The following LNX2 variants were observed in gnomAD, a reference collection of about 807,000 sequenced individuals.
LNX2 encodes the protein ligand of Numb protein X 2.
In LNX2, 35 loss-of-function variants were observed where a neutral mutation model predicts 66.2. That is an observed-to-expected ratio of 0.53 (90% CI 0.40 to 0.70). The LOEUF (loss-of-function observed/expected upper bound fraction) is 0.70, where lower values mean the gene tolerates loss of function less well. LNX2 is among the 30% of genes least tolerant of loss of function. The probability of loss-of-function intolerance (pLI) is 0.00; values close to 1 mark genes in which losing one functional copy is unlikely to be tolerated. For synonymous variants in LNX2, 337 were observed against 315.6 expected, an observed-to-expected ratio of 1.07 and a Z score of -0.72; for missense variants, 791 against 850.8, an observed-to-expected ratio of 0.93 and a Z score of 0.87.
chr13:27,585,858 T>A (rs1230243544), intron 1 of LNX2, among the ~76,000 whole-genome samples: 5 of 152,064 alleles, frequency 3.3e-5, no homozygotes, highest in Admixed American at 6.5e-5. Flanking sequence ...ATATTTTAGC[T>A]ACTTTCTAAA....
chr13:27,590,171 T>A (rs904071278), intron 1 of LNX2, among the ~76,000 whole-genome samples: 6 of 152,228 alleles, frequency 3.9e-5, no homozygotes, highest in African/African-American at 1.4e-4. Flanking sequence ...AGGTTTCACA[T>A]GTTAGCCAAA....
intron 2 of LNX2, among the ~76,000 whole-genome samples, chr13:27,572,610 C>G (rs1393714842): frequency 6.6e-6 from 1 of 152,204 alleles, no homozygotes; most frequent in African/African-American, 2.4e-5. Flanking sequence ...GGTTGTTCTT[C>G]TATTCCCACT....
rs570985119 is a variant in LNX2, at chr13:27,553,509, T to G, written c.1547-70A>C. 8.4e-5 allele frequency: 100 copies of G among 1,188,974 alleles called. No individual in the cohort carries two copies. In the South Asian group the frequency reaches 1.2e-3, roughly 15 times the overall value. The allele number at this position is 1,188,974 out of a possible 1,614,324, so 73.7% of individuals were successfully genotyped here. A position where few individuals can be genotyped will look rare whatever the true frequency, so the allele number is the denominator to read the frequency against. Reference sequence around the variant, plus strand: ...TTTCACCTGCAAATCTTGTTGTTTATAAACTAAGCAACAAAAGTTAGTTCC... The same window carrying G: ...TTTCACCTGCAAATCTTGTTGTTTAGAAACTAAGCAACAAAAGTTAGTTCC... On this transcript the variant is annotated intron_variant, in intron 7 of 9. Coordinates refer to ENST00000316334, the MANE Select transcript of LNX2 (RefSeq NM_153371.4).
At chr13:27,583,251 T>A (rs138393224) in intron 1 of LNX2, among the ~76,000 whole-genome samples, 2 of 46,622 alleles carry the variant, frequency 4.3e-5, no homozygotes, top group African/African-American at 1.4e-4. Context: ...TGTGTGTGTG[T>A]GTGTGCGCGC....
chr13:27,578,780 T>C lies in LNX2; in HGVS notation c.407+2517A>G, dbSNP rs925410502. Among the ~76,000 whole-genome samples the C allele has an allele frequency of 2.6e-5, 4 of 152,210 alleles. No homozygotes were observed. In the East Asian group the frequency reaches 7.7e-4, roughly 29 times the overall value. ...AAGAAACCATCTTGGAAGTAGACTCTCCAGTTACAACTGTTGCAGTCCCTG... is the reference window on the plus strand; with the variant it reads ...AAGAAACCATCTTGGAAGTAGACTCCCCAGTTACAACTGTTGCAGTCCCTG... On this transcript the variant is annotated intron_variant, in intron 2 of 9. Transcript: ENST00000316334.
chr13:27,587,184 G>A (rs1321554710), intron 1 of LNX2, among the ~76,000 whole-genome samples: 3 of 151,958 alleles, frequency 2.0e-5, no homozygotes, highest in South Asian at 2.1e-4. Context: ...TTAACTCATC[G>A]GTACCAGGGG....
At chr13:27,552,027 AGCCTTTT>A in intron 8 of LNX2, among the ~76,000 whole-genome samples, 1 of 152,366 alleles carries the variant, frequency 6.6e-6, no homozygotes, top group East Asian at 1.9e-4. Flanking sequence ...ATTGAATAGT[AGCCTTTT>A]ATCGACAGGT....
rs768286762 is a variant in LNX2 at position 27,562,716 on chromosome 13, G to T, written c.921C>A (p.Cys307Ter). 1 of 1,614,138 alleles carries T rather than the reference G, an allele frequency of 6.2e-7. No homozygotes were observed. Among genetic ancestry groups the T allele is most frequent in the South Asian group, 1.1e-5 (1 of 91,084 alleles). Residue 307 changes from cysteine (C) to a stop codon, truncating the protein, a stop_gained, in exon 5 of 10, where the codon TGC becomes TGA. Transcript: ENST00000316334. LOFTEE classifies it high-confidence loss of function. ...NYARAVLSQPCNTLHLTVLRE... is the reference protein window; with the variant it reads ...NYARAVLSQP Reference sequence around the variant, plus strand: ...GAAGCACAGTAAGATGCAGTGTGTTGCAGGGCTGGGAAAGGACAGCTCGGG... The same window carrying T: ...GAAGCACAGTAAGATGCAGTGTGTTTCAGGGCTGGGAAAGGACAGCTCGGG...
chr13:27,613,928 T>C (rs1000578335), intron 1 of LNX2, among the ~76,000 whole-genome samples: 1 of 152,204 alleles, frequency 6.6e-6, no homozygotes, highest in Non-Finnish European at 1.5e-5. Flanking sequence ...TAGGTACTTG[T>C]TAAATACAAC....
At chr13:27,578,503 T>C (rs746576747) in intron 2 of LNX2, among the ~76,000 whole-genome samples, 8 of 152,180 alleles carry the variant, frequency 5.3e-5, no homozygotes, top group Non-Finnish European at 7.3e-5. Context: ...TGACTTCCCA[T>C]CACAAGGTGA....
chr13:27,574,557 T>C lies in LNX2; in HGVS notation c.408-5281A>G, dbSNP rs532746237. Among the ~76,000 whole-genome samples the C allele has an allele frequency of 2.7e-5, 4 of 150,194 alleles. No homozygotes were observed. In the South Asian group the frequency reaches 8.4e-4, roughly 31 times the overall value. ...AAAAAAAAAAAAGAACACAGCCTCA[T>C]GGTCTTGTGGGACACCATTAAGAGA... On this transcript the variant is annotated intron_variant, in intron 2 of 9. Transcript: ENST00000316334.
At chr13:27,620,547 G>C (rs916044367), upstream of LNX2, 2 of 171,978 alleles carry the variant, frequency 1.2e-5, no homozygotes, top group Non-Finnish European at 2.4e-5. Flanking sequence ...AGCAAACTCC[G>C]GCCAAGACTT....
chr13:27,590,110 C>T (rs981304057), intron 1 of LNX2, among the ~76,000 whole-genome samples: 5 of 152,090 alleles, frequency 3.3e-5, no homozygotes, highest in East Asian at 3.9e-4. Context: ...CCACCACCCC[C>T]GGCTAATTTT....
At chr13:27,566,919 C>A (rs1955212891) in intron 4 of LNX2, among the ~76,000 whole-genome samples, 1 of 152,128 alleles carries the variant, frequency 6.6e-6, no homozygotes, top group African/African-American at 2.4e-5. Flanking sequence ...AACATCAACT[C>A]CGGGATTGTA....
intron 1 of LNX2, among the ~76,000 whole-genome samples, chr13:27,615,976 G>GA (rs1955821359): frequency 6.6e-6 from 1 of 152,152 alleles, no homozygotes; most frequent in Non-Finnish European, 1.5e-5. Context: ...CATATTTGAA[G>GA]AGATTTATCG....
rs762467287 is a variant in LNX2, at chr13:27,569,260, G to A, written c.424C>T (p.His142Tyr). 9.3e-6 allele frequency: 15 copies of A among 1,612,812 alleles called. No individual in the cohort carries two copies. Among genetic ancestry groups the A allele is most frequent in the Middle Eastern group, 3.3e-4 (2 of 6,036 alleles). The change falls in exon 3 of 10, where the codon CAT (histidine) becomes TAT (tyrosine). Residue 142 changes from histidine to tyrosine, a missense_variant. Physicochemically the swap from His to Tyr is moderately conservative, Grantham distance 83. Transcript: ENST00000316334. The stretch of plus-strand genomic sequence containing the variant: ...CTTCTCTCCAGGGCAACTCTCCGAT[G>A]AGAAGCTCCAGGACATCTAGAAAAA... ...HLKNRCPGAS[H>Y]RRVALERRKT...
In LNX2 at chr13:27,548,792, G is replaced by C. The variant is rs1369930208; in HGVS notation, c.1938-322C>G. On this transcript the variant is annotated intron_variant, in intron 9 of 9. Coordinates refer to ENST00000316334, the MANE Select transcript of LNX2 (RefSeq NM_153371.4). ...AAAATACCAAGTCATGCATTTGAAGGGGGTTATTATTTTGACTGCTATTTT... is the reference window on the plus strand; with the variant it reads ...AAAATACCAAGTCATGCATTTGAAGCGGGTTATTATTTTGACTGCTATTTT... 3.9e-5 allele frequency among the ~76,000 whole-genome samples: 6 copies of C among 152,204 alleles called. No individual in the cohort carries two copies. In the East Asian group the frequency reaches 1.2e-3, roughly 29 times the overall value.
intron 1 of LNX2, among the ~76,000 whole-genome samples, chr13:27,605,059 T>C (rs959791963): frequency 6.6e-6 from 1 of 152,198 alleles, no homozygotes; most frequent in African/African-American, 2.4e-5. Flanking sequence ...AGGGTAATTA[T>C]ATGCTTTTTC....
intron 6 of LNX2, among the ~76,000 whole-genome samples, chr13:27,558,803 C>T (rs992187153): frequency 4.6e-5 from 7 of 152,166 alleles, no homozygotes; most frequent in African/African-American, 1.7e-4. Context: ...AAATCAAAGA[C>T]CAATGACAAG....
Sources: gnomAD v4.1 joint callset for allele counts (sites outside exome capture counted in the v4.1 genomes callset) on GRCh38, gnomAD v4.1.1 for gene constraint, MANE v1.5 for transcripts, NCBI Gene and HGNC (gene_info 2026-07-23, HGNC 2026-07-21) for gene names.